SUPT3H: variants seen among roughly 807,000 people sequenced by gnomAD.
SUPT3H encodes transcription initiation protein SPT3 homolog.
Under a neutral mutation model 44.3 loss-of-function variants are expected in SUPT3H, and 44 were observed. That is an observed-to-expected ratio of 0.99 (90% confidence interval 0.78 to 1.28). The LOEUF (loss-of-function observed/expected upper bound fraction) is 1.28. Ranked by LOEUF, SUPT3H falls within the 50% of genes most tolerant of loss-of-function variation. SUPT3H has a pLI of 0.00. For missense variants in SUPT3H, 380 were observed against 387.1 expected, an observed-to-expected ratio of 0.98 and a Z score of 0.15; for synonymous variants, 124 against 125.6, an observed-to-expected ratio of 0.99 and a Z score of 0.09.
intron 3 of SUPT3H, among the ~76,000 whole-genome samples, chr6:45,033,594 A>G (rs946195623): frequency 1.3e-5 from 2 of 152,168 alleles, no homozygotes; most frequent in African/African-American, 4.8e-5. Flanking sequence ...AGTTTATTCT[A>G]AAATAATTTC....
chr6:44,866,143 CCTGTCTAAGAGT>C (rs1775476125), intron 10 of SUPT3H, among the ~76,000 whole-genome samples: 1 of 144,156 alleles, frequency 6.9e-6, no homozygotes, highest in Non-Finnish European at 1.5e-5. Flanking sequence ...AAGTAGATTG[CCTGTCTAAGAGT>C]CACAGGGGCA....
chr6:45,140,732 T>C (rs1406281118), intron 2 of SUPT3H, among the ~76,000 whole-genome samples: 1 of 152,018 alleles, frequency 6.6e-6, no homozygotes, highest in Non-Finnish European at 1.5e-5. Context: ...CACAGAACTC[T>C]CTGCAGACAT....
intron 2 of SUPT3H, among the ~76,000 whole-genome samples, chr6:45,237,692 A>T (rs964588676): frequency 1.3e-5 from 2 of 152,182 alleles, no homozygotes; most frequent in African/African-American, 2.4e-5. Context: ...TTTGGATAGA[A>T]CAATGGCTGC....
intron 2 of SUPT3H, among the ~76,000 whole-genome samples, chr6:45,350,079 T>A (rs1791705274): frequency 6.6e-6 from 1 of 152,202 alleles, no homozygotes; most frequent in African/African-American, 2.4e-5. Flanking sequence ...TACACAAAAC[T>A]ATAAACTGCA....
At chr6:44,939,140 T>C (rs915360697) in intron 9 of SUPT3H, among the ~76,000 whole-genome samples, 13 of 152,212 alleles carry the variant, frequency 8.5e-5, no homozygotes, top group African/African-American at 3.1e-4. Flanking sequence ...ATCATTGTCT[T>C]GTTACAGTTC....
chr6:44,811,962 A>G lies in SUPT3H; in HGVS notation c.*53-2461T>C, dbSNP rs544243171. On this transcript the variant is annotated intron_variant and NMD_transcript_variant, in intron 11 of 11. Transcript: ENST00000475057. ...GTCTGATTCCTGTAATCCTCATCCC[A>G]TAGTACACAGTGGTTCTGATTCTGT... 1.3e-4 allele frequency among the ~76,000 whole-genome samples: 20 copies of G among 151,794 alleles called. 1 individual carries two copies. In the Middle Eastern group the frequency reaches 0.017, roughly 129 times the overall value.
intron 6 of SUPT3H, among the ~76,000 whole-genome samples, chr6:44,971,882 C>T (rs1777620542): frequency 6.6e-6 from 1 of 152,172 alleles, no homozygotes; most frequent in South Asian, 2.1e-4. Flanking sequence ...ATGCCATTCT[C>T]CTGCCTCAGC....
chr6:45,341,783 T>C (rs1234845258), intron 2 of SUPT3H, among the ~76,000 whole-genome samples: 1 of 152,158 alleles, frequency 6.6e-6, no homozygotes, highest in Non-Finnish European at 1.5e-5. Flanking sequence ...GGCAAGAAGT[T>C]AGAAAAAGAT....
chr6:45,219,302 C>T, intron 2 of SUPT3H, among the ~76,000 whole-genome samples: 1 of 151,706 alleles, frequency 6.6e-6, no homozygotes, highest in South Asian at 2.1e-4. Flanking sequence ...AGAACTGGTT[C>T]TTTGAAAACA....
chr6:44,987,196 T>C lies in SUPT3H; in HGVS notation c.504+16457A>G, dbSNP rs1281575653. Among the ~76,000 whole-genome samples the C allele has an allele frequency of 6.0e-5, 9 of 150,212 alleles. No individual in the cohort carries two copies. The South Asian group carries it at 1.5e-3, about 25-fold the overall frequency. On this transcript the variant is annotated intron_variant, in intron 6 of 10. Coordinates refer to ENST00000371459, the MANE Select transcript of SUPT3H (RefSeq NM_003599.4). ...ATCCCATCATGAAACTCTACTCTCA[T>C]GACTTAGTCTAAACCTAATTAACTC...
intron 2 of SUPT3H, among the ~76,000 whole-genome samples, chr6:45,267,651 T>C (rs1775472781): frequency 1.3e-5 from 2 of 152,192 alleles, no homozygotes; most frequent in Admixed American, 6.5e-5. Flanking sequence ...ACCATCTACA[T>C]CCAATATATT....
chr6:45,041,843 T>G (rs1788580426), intron 3 of SUPT3H, among the ~76,000 whole-genome samples: 1 of 152,174 alleles, frequency 6.6e-6, no homozygotes, highest in African/African-American at 2.4e-5. Flanking sequence ...AATGTCCTCA[T>G]TTCAAATATT....
rs1784676765 is a variant in SUPT3H, at chr6:45,018,724, T to G, written c.273+1822A>C. ...ACTTGATCATGGTGGATAAGCTTTTTGATGTGCTGCTGGATTCAGTTTGCC... is the reference window on the plus strand; with the variant it reads ...ACTTGATCATGGTGGATAAGCTTTTGGATGTGCTGCTGGATTCAGTTTGCC... On this transcript the variant is annotated intron_variant, in intron 4 of 10. Coordinates refer to ENST00000371459, the MANE Select transcript of SUPT3H (RefSeq NM_003599.4). Among the ~76,000 whole-genome samples, 3 of 152,244 alleles carry G rather than the reference T, an allele frequency of 2.0e-5. No homozygotes were observed. The South Asian group carries it at 6.2e-4, about 32-fold the overall frequency.
chr6:44,886,241 C>G (rs1040330409), intron 10 of SUPT3H, among the ~76,000 whole-genome samples: 1 of 152,020 alleles, frequency 6.6e-6, no homozygotes, highest in Non-Finnish European at 1.5e-5. Flanking sequence ...GGCAGGCCAA[C>G]GTTCAGATTC....
intron 9 of SUPT3H, among the ~76,000 whole-genome samples, chr6:44,946,306 T>C (rs535498528): frequency 1.3e-5 from 2 of 152,318 alleles, no homozygotes; most frequent in Admixed American, 1.3e-4. Context: ...GTTCAAGAAA[T>C]AATTTCAACT....
chr6:45,103,142 C>T (rs1219222407), intron 3 of SUPT3H, among the ~76,000 whole-genome samples: 1 of 152,146 alleles, frequency 6.6e-6, no homozygotes, highest in African/African-American at 2.4e-5. Context: ...TTCCTTTCCT[C>T]TAAAGAACTC....
Position 44,829,001 on chromosome 6 carries a change from A to G in SUPT3H, c.*815T>C, listed in dbSNP as rs1017795669. 5.2e-5 allele frequency: 8 copies of G among 152,580 alleles called. No homozygotes were observed. Among genetic ancestry groups the G allele is most frequent in the African/African-American group, 1.9e-4 (8 of 41,436 alleles). 9.5% of individuals were successfully genotyped at this position (152,580 alleles called of 1,614,324 possible). ...AACAGCAAGAAATTACCCAGCCCAC[A>G]TTTCCAGTCTAGGTGTGGTAGTGCT... On this transcript the variant is annotated 3_prime_UTR_variant, in exon 11 of 11. Transcript: ENST00000371459.
intron 2 of SUPT3H, among the ~76,000 whole-genome samples, chr6:45,224,408 A>G (rs966539624): frequency 1.3e-5 from 2 of 152,126 alleles, no homozygotes; most frequent in African/African-American, 4.8e-5. Flanking sequence ...TGAGTTTACT[A>G]TTTTAAATAA....
At chr6:45,048,790 G>A (rs1789823508) in intron 3 of SUPT3H, among the ~76,000 whole-genome samples, 1 of 152,212 alleles carries the variant, frequency 6.6e-6, no homozygotes, top group South Asian at 2.1e-4. Context: ...AGCCAGGCAT[G>A]GAAAGACAAA....
Sources: gnomAD v4.1 joint callset for allele counts (sites outside exome capture counted in the v4.1 genomes callset) on GRCh38, gnomAD v4.1.1 for gene constraint, MANE v1.5 for transcripts, NCBI Gene and HGNC (gene_info 2026-07-23, HGNC 2026-07-21) for gene names.